Variants in BCKDHB observed in about 807,000 individuals in gnomAD.
BCKDHB encodes branched chain keto acid dehydrogenase E1 subunit beta, also known as 2-oxoisovalerate dehydrogenase subunit beta, mitochondrial.
A neutral mutation model predicts 48.5 loss-of-function variants in BCKDHB; 41 were observed. The ratio of observed to expected loss-of-function variants is 0.85; its 90% CI spans 0.66 to 1.10. The LOEUF is 1.10. Ranked by LOEUF, BCKDHB falls within the 50% of genes least tolerant of loss-of-function variation. BCKDHB has a pLI of 0.00. For synonymous variants in BCKDHB, 201 were observed against 174.8 expected (o/e 1.15, Z -1.18); for missense variants, 496 against 494.2 (o/e 1.00, Z -0.03).
the BCKDHB span, among the ~76,000 whole-genome samples, chr6:80,373,644 T>G: frequency 6.6e-6 from 1 of 152,186 alleles, no homozygotes; most frequent in Non-Finnish European, 1.5e-5. Context: ...CTATCTCATC[T>G]CTTAGGTCTA....
chr6:80,460,554 G>C, the BCKDHB span, among the ~76,000 whole-genome samples: 1 of 152,098 alleles, frequency 6.6e-6, no homozygotes, highest in East Asian at 1.9e-4. Flanking sequence ...AATAGCCCAA[G>C]CCCTTTTTGT....
Position 80,203,338 on chromosome 6 carries a change from A to G in BCKDHB, c.951+126A>G, listed in dbSNP as rs368641572. ...CATTTTCAATTGATTTAAAACTTTT[A>G]AATTTGCAGCATGAAAGAAAGTTGT... On this transcript the variant is annotated intron_variant, in intron 8 of 9. Coordinates refer to ENST00000320393, the MANE Select transcript of BCKDHB (RefSeq NM_183050.4). 1.1e-5 allele frequency: 8 copies of G among 727,600 alleles called. No homozygotes were observed. The South Asian group carries it at 1.1e-4, about 10-fold the overall frequency. 45.1% of individuals were successfully genotyped at this position (727,600 alleles called of 1,614,324 possible).
chr6:80,385,193 T>C, the BCKDHB span, among the ~76,000 whole-genome samples: 1 of 152,168 alleles, frequency 6.6e-6, no homozygotes, highest in African/African-American at 2.4e-5. Context: ...GGATTCTGTC[T>C]CCCAGCTTCA....
intron 9 of BCKDHB, among the ~76,000 whole-genome samples, chr6:80,334,287 C>T (rs1173615991): frequency 6.6e-6 from 1 of 152,202 alleles, no homozygotes; most frequent in African/African-American, 2.4e-5. Flanking sequence ...TTGAACTCAT[C>T]ATGCTAGCAA....
At chr6:80,410,556 T>C in the BCKDHB span, among the ~76,000 whole-genome samples, 1 of 152,238 alleles carries the variant, frequency 6.6e-6, no homozygotes, top group Non-Finnish European at 1.5e-5. Flanking sequence ...CTTGGTTCCA[T>C]TCTCCCTGTC....
At chr6:80,249,112 A>G (rs76299728) in intron 8 of BCKDHB, among the ~76,000 whole-genome samples, 2 of 151,880 alleles carry the variant, frequency 1.3e-5, no homozygotes, top group East Asian at 1.9e-4. Context: ...TGTTCTGTGC[A>G]TTGTAGGATG....
chr6:80,306,486 A>T (rs955627367), intron 9 of BCKDHB, among the ~76,000 whole-genome samples: 1 of 152,224 alleles, frequency 6.6e-6, no homozygotes. Context: ...AGAAGACTTC[A>T]TAAAGAATAT....
At chr6:80,356,096 T>C in the BCKDHB span, 1 of 152,194 alleles carries the variant, frequency 6.6e-6, no homozygotes, top group Non-Finnish European at 1.5e-5. Context: ...CTTAGAACCT[T>C]TGTCCCTCTC....
At chr6:80,383,676 T>G in the BCKDHB span, among the ~76,000 whole-genome samples, 1 of 152,098 alleles carries the variant, frequency 6.6e-6, no homozygotes, top group Non-Finnish European at 1.5e-5. Context: ...AAAATAATGT[T>G]TTTTTAATCA....
At chr6:80,369,226 T>G in the BCKDHB span, among the ~76,000 whole-genome samples, 13 of 146,254 alleles carry the variant, frequency 8.9e-5, 1 homozygote, top group Non-Finnish European at 1.5e-4. Context: ...GTAACATTTG[T>G]GTTGTTATTC....
the BCKDHB span, among the ~76,000 whole-genome samples, chr6:80,401,266 C>T: frequency 6.6e-6 from 1 of 151,768 alleles, no homozygotes; most frequent in Non-Finnish European, 1.5e-5. Context: ...GTATGATTAA[C>T]ATATAAATAG....
intron 9 of BCKDHB, among the ~76,000 whole-genome samples, chr6:80,280,234 T>C (rs1317852329): frequency 6.6e-6 from 1 of 152,152 alleles, no homozygotes; most frequent in African/African-American, 2.4e-5. Context: ...GTAATATATA[T>C]AAAATATACT....
intron 9 of BCKDHB, among the ~76,000 whole-genome samples, chr6:80,278,025 TG>T (rs1778039555): frequency 6.6e-6 from 1 of 152,150 alleles, no homozygotes; most frequent in South Asian, 2.1e-4. Context: ...GATATCAATC[TG>T]AAAAGAGGGG....
intron 8 of BCKDHB, among the ~76,000 whole-genome samples, chr6:80,218,162 A>G (rs1444270920): frequency 2.0e-5 from 3 of 152,040 alleles, no homozygotes; most frequent in Non-Finnish European, 4.4e-5. Flanking sequence ...CACATTTCAT[A>G]CTTGTGCCAG....
At chr6:80,151,757 C>CA (rs1162774248) in intron 3 of BCKDHB, among the ~76,000 whole-genome samples, 8 of 152,148 alleles carry the variant, frequency 5.3e-5, no homozygotes, top group Admixed American at 5.2e-4. Flanking sequence ...GAGAAAAGGG[C>CA]ACCAGCCTAT....
chr6:80,406,794 C>A, the BCKDHB span, among the ~76,000 whole-genome samples: 3 of 152,142 alleles, frequency 2.0e-5, no homozygotes, highest in Non-Finnish European at 4.4e-5. Flanking sequence ...AATTTTCTCC[C>A]ATTCTGTAGG....
chr6:80,381,254 C>G, the BCKDHB span, among the ~76,000 whole-genome samples: 1 of 151,924 alleles, frequency 6.6e-6, no homozygotes, highest in Admixed American at 6.6e-5. Flanking sequence ...TTCCATCAAG[C>G]TCAATGACAC....
the BCKDHB span, among the ~76,000 whole-genome samples, chr6:80,431,996 T>A: frequency 6.6e-6 from 1 of 151,884 alleles, no homozygotes. Flanking sequence ...AAAATTATAT[T>A]CTTTAAGAAT....
the BCKDHB span, among the ~76,000 whole-genome samples, chr6:80,433,258 C>G: frequency 6.6e-6 from 1 of 152,180 alleles, no homozygotes; most frequent in Admixed American, 6.5e-5. Context: ...GAATCTGTGT[C>G]CGCAGCCACC....
Sources: allele counts gnomAD v4.1 joint callset (sites outside exome capture counted in the v4.1 genomes callset), GRCh38; gene constraint gnomAD v4.1.1; transcripts MANE v1.5; gene names NCBI Gene and HGNC (gene_info 2026-07-23, HGNC 2026-07-21).